Variants in YEATS4 observed in about 807,000 individuals in gnomAD.
The protein encoded by YEATS4 is YEATS domain containing 4.
Under a neutral mutation model 30.1 loss-of-function variants are expected in YEATS4, and 17 were observed. That is an observed-to-expected ratio of 0.56 (90% confidence interval 0.39 to 0.85). YEATS4 has a LOEUF of 0.85. Among genes scored for constraint, YEATS4 ranks in the 40% least tolerant of loss-of-function variants. The pLI, the probability that YEATS4 is intolerant of heterozygous loss-of-function variation, is 0.00. For synonymous variants in YEATS4, 85 were observed against 87.5 expected (o/e 0.97, Z 0.16); for missense variants, 142 against 268.3 (o/e 0.53, Z 3.29).
chr12:69,405,179 G>T, the YEATS4 span, among the ~76,000 whole-genome samples: 2 of 152,152 alleles, frequency 1.3e-5, no homozygotes, highest in Admixed American at 6.5e-5. Context: ...CTATGCAGTA[G>T]TTCCCACCCT....
the YEATS4 span, among the ~76,000 whole-genome samples, chr12:69,408,575 C>T: frequency 6.6e-6 from 1 of 152,212 alleles, no homozygotes; most frequent in East Asian, 1.9e-4. Flanking sequence ...GCCCTGGCAC[C>T]AGCAGGCTGT....
Position 69,365,773 on chromosome 12 carries a change from T to C in YEATS4, c.239-17T>C, listed in dbSNP as rs1232600958. The C allele has an allele frequency of 6.8e-7, 1 of 1,467,540 alleles. No homozygotes were observed. Among genetic ancestry groups the C allele is most frequent in the African/African-American group, 2.9e-5 (1 of 34,230 alleles). The allele number at this position is 1,467,540 out of a possible 1,614,324, so 90.9% of individuals were successfully genotyped here. A position where few individuals can be genotyped will look rare whatever the true frequency, so the allele number is the denominator to read the frequency against. ...GGAAACTAAACCGATAATTTACTAT[T>C]TTTTTTCTGTCTTTAGTTGTTACTA... On this transcript the variant is annotated splice_polypyrimidine_tract_variant and intron_variant, in intron 3 of 6. Coordinates refer to ENST00000247843, the MANE Select transcript of YEATS4 (RefSeq NM_006530.4).
the YEATS4 span, chr12:69,422,757 G>A: frequency 2.0e-5 from 3 of 153,132 alleles, no homozygotes; most frequent in African/African-American, 7.3e-5. Flanking sequence ...CAAGGACAAG[G>A]CCATTAAGTT....
chr12:69,372,929 CTTA>C (rs1159480864), intron 6 of YEATS4, among the ~76,000 whole-genome samples: 36 of 152,218 alleles, frequency 2.4e-4, no homozygotes, highest in African/African-American at 8.2e-4. Context: ...ATATAATGAC[CTTA>C]AGTTCCATCC....
At chr12:69,391,582 T>C (rs1868315580), downstream of YEATS4, among the ~76,000 whole-genome samples, 1 of 152,200 alleles carries the variant, frequency 6.6e-6, no homozygotes, top group East Asian at 1.9e-4. Flanking sequence ...TTTTTAAAGT[T>C]GTGACTTTTG....
the YEATS4 span, among the ~76,000 whole-genome samples, chr12:69,415,709 G>C: frequency 6.6e-6 from 1 of 152,212 alleles, no homozygotes; most frequent in Non-Finnish European, 1.5e-5. Context: ...CCAAGACTGT[G>C]TATGGGGACA....
At chr12:69,410,876 A>G in the YEATS4 span, among the ~76,000 whole-genome samples, 1 of 152,238 alleles carries the variant, frequency 6.6e-6, no homozygotes, top group African/African-American at 2.4e-5. Flanking sequence ...GGCTGCACCA[A>G]TAAGGGACTT....
intron 6 of YEATS4, among the ~76,000 whole-genome samples, chr12:69,371,715 G>A (rs1204656496): frequency 6.6e-6 from 1 of 152,184 alleles, no homozygotes; most frequent in Admixed American, 6.5e-5. Context: ...CTATCGTCAT[G>A]GGTCCTACAT....
At chr12:69,380,465 G>C (rs758386400) in intron 6 of YEATS4, among the ~76,000 whole-genome samples, 15 of 152,204 alleles carry the variant, frequency 9.9e-5, no homozygotes, top group Non-Finnish European at 2.2e-4. Flanking sequence ...CGGAGTTTCT[G>C]TTTCTGTGCT....
At chr12:69,363,890 ATAAAG>A (rs1221808329) in intron 2 of YEATS4, among the ~76,000 whole-genome samples, 23 of 152,370 alleles carry the variant, frequency 1.5e-4, no homozygotes, top group Admixed American at 2.0e-4. Context: ...TAAAGTACTG[ATAAAG>A]TAAAGATGCT....
the YEATS4 span, chr12:69,400,803 T>C: frequency 1.3e-5 from 2 of 152,162 alleles, no homozygotes; most frequent in African/African-American, 4.8e-5. Flanking sequence ...AGATGTCTAA[T>C]ATTCAGCCAC....
At chr12:69,393,511 G>A (rs1240698666), downstream of YEATS4, among the ~76,000 whole-genome samples, 2 of 143,496 alleles carry the variant, frequency 1.4e-5, no homozygotes, top group African/African-American at 2.6e-5. Flanking sequence ...TACCAGCTAG[G>A]AAAAAAAAAA....
At position 69,359,936 on chromosome 12, in the gene YEATS4, CTT is replaced by C. The variant is rs1875117414; in HGVS notation, c.-35_-34del. On this transcript the variant is annotated 5_prime_UTR_variant, in exon 1 of 7. Coordinates refer to ENST00000247843, the MANE Select transcript of YEATS4 (RefSeq NM_006530.4). Reference sequence around the variant, plus strand: ...GCGGCGACCCCGCCAGCCCCGGTCTCTTTCCCTGGCGGCGGCGGCTTCTTCCG... The same window carrying C: ...GCGGCGACCCCGCCAGCCCCGGTCTCTCCCTGGCGGCGGCGGCTTCTTCCG... The C allele has an allele frequency of 6.2e-7, 1 of 1,611,898 alleles. No homozygotes were observed. Among genetic ancestry groups the C allele is most frequent in the African/African-American group, 1.3e-5 (1 of 74,908 alleles).
intron 1 of YEATS4, among the ~76,000 whole-genome samples, chr12:69,362,027 T>TG (rs1555174262): frequency 2.1e-5 from 3 of 142,732 alleles, no homozygotes; most frequent in East Asian, 2.0e-4. Flanking sequence ...TTTTTTTTTT[T>TG]TTTTTTTGGA....
the YEATS4 span, among the ~76,000 whole-genome samples, chr12:69,416,590 C>T: frequency 6.6e-6 from 1 of 152,158 alleles, no homozygotes; most frequent in Non-Finnish European, 1.5e-5. Context: ...GCACCTGGGT[C>T]ACATTCCTGC....
the YEATS4 span, among the ~76,000 whole-genome samples, chr12:69,419,766 G>A: frequency 1.3e-5 from 2 of 152,128 alleles, no homozygotes; most frequent in Non-Finnish European, 2.9e-5. Context: ...AAAAGACCTG[G>A]GCATAAATAC....
chr12:69,426,154 A>T, the YEATS4 span, among the ~76,000 whole-genome samples: 19 of 152,244 alleles, frequency 1.2e-4, no homozygotes, highest in Middle Eastern at 3.4e-3. Context: ...GGGCGGGAGG[A>T]TCACTTGAGC....
At chr12:69,373,031 C>G (rs2120970120) in intron 6 of YEATS4, among the ~76,000 whole-genome samples, 1 of 152,284 alleles carries the variant, frequency 6.6e-6, no homozygotes, top group East Asian at 1.9e-4. Context: ...TTTATCCATT[C>G]ATCTGTTGAT....
the YEATS4 span, among the ~76,000 whole-genome samples, chr12:69,401,716 A>G: frequency 6.6e-6 from 1 of 152,210 alleles, no homozygotes; most frequent in Non-Finnish European, 1.5e-5. Context: ...ATTAGTTCAT[A>G]TACACCATCC....
Sources: allele counts gnomAD v4.1 joint callset (sites outside exome capture counted in the v4.1 genomes callset), GRCh38; gene constraint gnomAD v4.1.1; transcripts MANE v1.5; gene names NCBI Gene and HGNC (gene_info 2026-07-23, HGNC 2026-07-21).